The following MYOM1 variants were observed in gnomAD, a reference collection of about 807,000 sequenced individuals.
The protein encoded by MYOM1 is myomesin-1.
Under a neutral mutation model 205.3 loss-of-function variants are expected in MYOM1, and 164 were observed. That is an observed-to-expected ratio of 0.80 (90% CI 0.70 to 0.91). MYOM1 has a LOEUF of 0.91. Among genes scored for constraint, MYOM1 ranks in the 40% least tolerant of loss-of-function variants. MYOM1 has a pLI of 0.00. For missense variants in MYOM1, 2,011 were observed against 2,127.3 expected, an observed-to-expected ratio of 0.95 and a Z score of 1.08; for synonymous variants, 772 against 789.4, an observed-to-expected ratio of 0.98 and a Z score of 0.37.
chr18:3,141,041 G>A (rs564888671), intron 14 of MYOM1, among the ~76,000 whole-genome samples: 25 of 152,104 alleles, frequency 1.6e-4, no homozygotes, highest in Non-Finnish European at 2.8e-4. Context: ...AATGGATTTT[G>A]AACCTCATTT....
At chr18:3,214,861 G>GT (rs772137649) in intron 2 of MYOM1, 73 bp downstream of exon 2, 22 of 1,468,480 alleles carry the variant, frequency 1.5e-5, no homozygotes, top group Non-Finnish European at 2.0e-5. Flanking sequence ...AAAGCGAGAA[G>GT]TAACTGGGAG....
intron 1 of MYOM1, among the ~76,000 whole-genome samples, chr18:3,218,427 C>G (rs1441573206): frequency 1.3e-5 from 2 of 152,320 alleles, no homozygotes; most frequent in African/African-American, 4.8e-5. Context: ...GAGCAAACTT[C>G]ACTCCAGAAA....
In MYOM1 at chr18:3,180,631, T is replaced by C. The variant is rs538560502; in HGVS notation, c.930-4497A>G. On this transcript the variant is annotated intron_variant, in intron 5 of 37. Coordinates refer to ENST00000356443, the MANE Select transcript of MYOM1 (RefSeq NM_003803.4). The stretch of plus-strand genomic sequence containing the variant: ...TTAATCCACACCCTGGGATTACATA[T>C]CAAAAGCTTTCTTAAATCCCTGTGA... Among the ~76,000 whole-genome samples the C allele has an allele frequency of 1.9e-3, 296 of 152,334 alleles. 1 individual carries two copies. Among genetic ancestry groups the C allele is most frequent in the Non-Finnish European group, 3.6e-3 (244 of 68,026 alleles).
intron 19 of MYOM1, 97 bp downstream of exon 19, chr18:3,126,603 GT>G (rs760477539): frequency 2.1e-5 from 22 of 1,046,488 alleles, no homozygotes; most frequent in Non-Finnish European, 3.0e-5. Context: ...GAGAAATGAC[GT>G]GACTCTCTTA....
intron 37 of MYOM1, among the ~76,000 whole-genome samples, chr18:3,070,608 T>C (rs1383416744): frequency 1.3e-5 from 2 of 152,188 alleles, no homozygotes; most frequent in Admixed American, 6.5e-5. Flanking sequence ...ACAGTACTTG[T>C]TGGGGACAAG....
intron 11 of MYOM1, 77 bp from the exon 12 acceptor site, chr18:3,151,970 C>T: frequency 7.0e-7 from 1 of 1,433,694 alleles, no homozygotes; most frequent in Non-Finnish European, 9.5e-7. Context: ...TGCAGAATCA[C>T]CCAGTTGTTT....
chr18:3,107,920 C>T (rs991211770), intron 22 of MYOM1, among the ~76,000 whole-genome samples: 1 of 152,184 alleles, frequency 6.6e-6, no homozygotes, highest in Non-Finnish European at 1.5e-5. Flanking sequence ...TCTATTATCC[C>T]TTACTGCTTA....
At chr18:3,124,906 G>C (rs2079757717) in intron 19 of MYOM1, among the ~76,000 whole-genome samples, 1 of 152,174 alleles carries the variant, frequency 6.6e-6, no homozygotes, top group Non-Finnish European at 1.5e-5. Context: ...TAAAGTCAGA[G>C]AAGATGTATG....
At chr18:3,223,402 T>C (rs2081339997), upstream of MYOM1, among the ~76,000 whole-genome samples, 1 of 152,224 alleles carries the variant, frequency 6.6e-6, no homozygotes, top group Non-Finnish European at 1.5e-5. Context: ...TTCAGTGAGC[T>C]CTTTTGAAAG....
At chr18:3,089,659 C>A in intron 27 of MYOM1, 63 bp from the exon 28 acceptor site, 1 of 1,284,348 alleles carries the variant, frequency 7.8e-7, no homozygotes, top group South Asian at 1.3e-5. Flanking sequence ...ACATGTCAGC[C>A]ACTGCACTAA....
the MYOM1 span, among the ~76,000 whole-genome samples, chr18:3,230,277 A>C: frequency 6.6e-6 from 1 of 152,348 alleles, no homozygotes; most frequent in Admixed American, 6.5e-5. Context: ...GCTAAAATGA[A>C]AATGAGGCAG....
At chr18:3,180,021 C>T (rs932391295) in intron 5 of MYOM1, among the ~76,000 whole-genome samples, 4 of 152,148 alleles carry the variant, frequency 2.6e-5, no homozygotes, top group African/African-American at 9.7e-5. Context: ...TGCAGGTCAG[C>T]AGTGGCAGTT....
At chr18:3,195,528 A>C (rs1207289310) in intron 2 of MYOM1, among the ~76,000 whole-genome samples, 1 of 152,190 alleles carries the variant, frequency 6.6e-6, no homozygotes, top group East Asian at 1.9e-4. Context: ...AGCATCCAAA[A>C]TAACATACTT....
chr18:3,176,192 AACAC>A, intron 5 of MYOM1, 58 bp from the exon 6 acceptor site: 1 of 957,874 alleles, frequency 1.0e-6, no homozygotes, highest in South Asian at 1.4e-5. Flanking sequence ...TTCATGATTA[AACAC>A]ACACACAATT....
chr18:3,100,292 T>C (rs1475016136), intron 24 of MYOM1, 28 bp downstream of exon 24: 9 of 1,611,240 alleles, frequency 5.6e-6, no homozygotes, highest in Non-Finnish European at 6.8e-6. Context: ...CAACATTCGA[T>C]GTGTGAATGC....
intron 2 of MYOM1, among the ~76,000 whole-genome samples, chr18:3,200,898 A>C (rs2081057687): frequency 6.6e-6 from 1 of 152,218 alleles, no homozygotes; most frequent in Admixed American, 6.5e-5. Context: ...AAACCCAAGT[A>C]GAATAACACA....
intron 19 of MYOM1, among the ~76,000 whole-genome samples, chr18:3,121,277 C>A (rs1232961850): frequency 6.6e-6 from 1 of 152,154 alleles, no homozygotes; most frequent in Non-Finnish European, 1.5e-5. Flanking sequence ...GATGAAAAAT[C>A]CTCTGCCCCC....
intron 20 of MYOM1, 52 bp from the exon 21 acceptor site, chr18:3,116,567 T>C: frequency 6.8e-7 from 1 of 1,464,196 alleles, no homozygotes; most frequent in South Asian, 1.5e-5. Flanking sequence ...AAAACTCGTC[T>C]CCACACGTTT....
rs986548743 is a variant in MYOM1, at chr18:3,219,732, G to A, written c.-29+71C>T. The A allele has an allele frequency of 3.9e-5, 6 of 152,206 alleles. No individual in the cohort carries two copies. The highest frequency in any genetic ancestry group is 8.8e-5 in the Non-Finnish European group (6 of 68,044). 9.4% of individuals were successfully genotyped at this position (152,206 alleles called of 1,614,324 possible). On this transcript the variant is annotated intron_variant, in intron 1 of 37. Coordinates refer to ENST00000356443, the MANE Select transcript of MYOM1 (RefSeq NM_003803.4). The surrounding 1 kb of genome is among the most constrained non-coding windows in gnomAD (Gnocchi z 4.4). Reference sequence around the variant, plus strand: ...GCTGAGTTCAGAAGACAGAAAGAAAGCACTTACACTGCACTGCTGCTAAGC... The same window carrying A: ...GCTGAGTTCAGAAGACAGAAAGAAAACACTTACACTGCACTGCTGCTAAGC...
Sources: gnomAD v4.1 joint callset for allele counts (sites outside exome capture counted in the v4.1 genomes callset) on GRCh38, gnomAD v4.1.1 for gene constraint, Gnocchi (gnomAD v3.1) non-coding constraint, MANE v1.5 for transcripts, NCBI Gene and HGNC (gene_info 2026-07-23, HGNC 2026-07-21) for gene names.